Variants in TAFA1 observed in about 807,000 individuals in gnomAD.
TAFA1 encodes chemokine-like protein TAFA-1.
Under a neutral mutation model 18.5 loss-of-function variants are expected in TAFA1, and 4 were observed. The observed-to-expected ratio is 0.22, with a 90% CI of 0.11 to 0.49. The LOEUF (loss-of-function observed/expected upper bound fraction) is 0.49. Among genes scored for constraint, TAFA1 ranks in the 20% least tolerant of loss-of-function variants. The pLI, the probability that TAFA1 is intolerant of heterozygous loss-of-function variation, is 0.98. For missense variants in TAFA1, 147 were observed against 169.0 expected, an observed-to-expected ratio of 0.87 and a Z score of 0.72; for synonymous variants, 56 against 55.2, an observed-to-expected ratio of 1.01 and a Z score of -0.06.
In TAFA1 at chr3:68,292,049, G is replaced by A. The variant is rs147576716; in HGVS notation, c.119-125231G>A. Among the ~76,000 whole-genome samples, 1,244 of 152,012 alleles carry A rather than the reference G, an allele frequency of 8.2e-3. 14 individuals are homozygous for A. Among genetic ancestry groups the A allele is most frequent in the African/African-American group, 0.028 (1,167 of 41,458 alleles). On this transcript the variant is annotated intron_variant, in intron 2 of 4. Coordinates refer to ENST00000478136, the MANE Select transcript of TAFA1 (RefSeq NM_213609.4). The stretch of plus-strand genomic sequence containing the variant: ...TACGGTTTCAGTTTTCACTCATGTC[G>A]TTTACTCTCTCATCACCATCTCCCC...
intron 2 of TAFA1, among the ~76,000 whole-genome samples, chr3:68,123,269 G>C (rs544681746): frequency 5.9e-5 from 9 of 152,260 alleles, no homozygotes; most frequent in South Asian, 4.1e-4. Context: ...AGACTGGGCT[G>C]TTGCCTTCGG....
At chr3:68,376,603 T>G (rs2069822576) in intron 2 of TAFA1, among the ~76,000 whole-genome samples, 1 of 152,186 alleles carries the variant, frequency 6.6e-6, no homozygotes, top group South Asian at 2.1e-4. Context: ...TTTTTACAGC[T>G]GCGTAGTATT....
chr3:68,499,727 T>G (rs979948186), intron 3 of TAFA1, among the ~76,000 whole-genome samples: 13 of 151,934 alleles, frequency 8.6e-5, no homozygotes, highest in African/African-American at 3.1e-4. Flanking sequence ...GTATGAATAA[T>G]GGAGGTGATT....
chr3:68,109,424 T>C (rs1267955506), intron 2 of TAFA1, among the ~76,000 whole-genome samples: 4 of 152,188 alleles, frequency 2.6e-5, no homozygotes, highest in African/African-American at 9.6e-5. Flanking sequence ...GCATACTTCT[T>C]TAAATTGGAA....
intron 2 of TAFA1, among the ~76,000 whole-genome samples, chr3:68,122,630 C>A (rs1427774369): frequency 1.3e-5 from 2 of 152,066 alleles, no homozygotes; most frequent in Non-Finnish European, 2.9e-5. Flanking sequence ...ACCTAATAGT[C>A]TGTCATTGGC....
At chr3:68,303,448 T>C (rs62248319) in intron 2 of TAFA1, among the ~76,000 whole-genome samples, 1 of 150,830 alleles carries the variant, frequency 6.6e-6, no homozygotes. Context: ...AAATTCTTTT[T>C]GTTTTTTTTT....
chr3:68,530,177 G>A (rs2106771584), intron 3 of TAFA1, among the ~76,000 whole-genome samples: 1 of 152,280 alleles, frequency 6.6e-6, no homozygotes, highest in African/African-American at 2.4e-5. Flanking sequence ...TACTGAAACA[G>A]TAGAAAGGGA....
intron 2 of TAFA1, among the ~76,000 whole-genome samples, chr3:68,064,169 G>C (rs1252271995): frequency 6.6e-6 from 1 of 152,174 alleles, no homozygotes. Context: ...AGGTAAAAAC[G>C]TGATGAGGTG....
intron 2 of TAFA1, among the ~76,000 whole-genome samples, chr3:68,272,084 C>A (rs9869700): frequency 0.085 from 12,891 of 152,080 alleles, 658 homozygotes; most frequent in African/African-American, 0.14. Flanking sequence ...GTGAAATATG[C>A]CTTTGTATTG....
intron 2 of TAFA1, among the ~76,000 whole-genome samples, chr3:68,062,709 G>C (rs2064620052): frequency 6.6e-6 from 1 of 152,190 alleles, no homozygotes; most frequent in African/African-American, 2.4e-5. Context: ...TGAAGTAGTA[G>C]GGGAGGATTC....
intron 2 of TAFA1, among the ~76,000 whole-genome samples, chr3:68,219,200 A>AC (rs2066700447): frequency 6.6e-6 from 1 of 152,112 alleles, no homozygotes; most frequent in Admixed American, 6.6e-5. Flanking sequence ...GCATAGCTTG[A>AC]CAGTGAGAAA....
At chr3:68,284,457 T>C (rs946334240) in intron 2 of TAFA1, among the ~76,000 whole-genome samples, 5 of 152,232 alleles carry the variant, frequency 3.3e-5, no homozygotes, top group Non-Finnish European at 4.4e-5. Context: ...ATATATATCT[T>C]TCCTCTGACC....
At position 68,158,848 on chromosome 3, in the gene TAFA1, T is replaced by A. The variant is rs1050057862; in HGVS notation, c.118+152104T>A. 2.0e-5 allele frequency among the ~76,000 whole-genome samples: 3 copies of A among 152,200 alleles called. No individual in the cohort carries two copies. The South Asian group carries it at 6.2e-4, about 32-fold the overall frequency. ...ATTTTGTGATGGAGGGCATTTTGCA[T>A]ATACTGAAATAAAGAGAAATTCTTG... is the stretch of plus-strand genomic sequence containing the variant. On this transcript the variant is annotated intron_variant, in intron 2 of 4. Coordinates refer to ENST00000478136, the MANE Select transcript of TAFA1 (RefSeq NM_213609.4).
intron 2 of TAFA1, among the ~76,000 whole-genome samples, chr3:68,118,748 T>C (rs1375625920): frequency 2.0e-5 from 3 of 152,216 alleles, no homozygotes; most frequent in African/African-American, 7.2e-5. Context: ...TGTGTGTATA[T>C]AATGCATTTT....
chr3:68,120,174 T>C (rs1243950923), intron 2 of TAFA1, among the ~76,000 whole-genome samples: 1 of 15,514 alleles, frequency 6.4e-5, no homozygotes, highest in Non-Finnish European at 1.7e-4. Flanking sequence ...TTTCTTTCTC[T>C]TTCTTTCTTT....
chr3:68,024,035 T>G (rs1374327149), intron 2 of TAFA1, among the ~76,000 whole-genome samples: 2 of 152,162 alleles, frequency 1.3e-5, no homozygotes, highest in East Asian at 3.9e-4. Flanking sequence ...GAATAAAAGG[T>G]CAAAGCATTC....
At chr3:68,178,796 C>A (rs1411498222) in intron 2 of TAFA1, among the ~76,000 whole-genome samples, 2 of 152,168 alleles carry the variant, frequency 1.3e-5, no homozygotes, top group East Asian at 3.9e-4. Flanking sequence ...AGTTTAGATT[C>A]AATTTAGAGA....
intron 3 of TAFA1, among the ~76,000 whole-genome samples, chr3:68,503,055 C>A (rs80340025): frequency 2.0e-4 from 30 of 152,244 alleles, no homozygotes; most frequent in African/African-American, 7.2e-4. Context: ...ATAATCTGAC[C>A]TACTCTGAAG....
intron 2 of TAFA1, among the ~76,000 whole-genome samples, chr3:68,008,092 T>C (rs1354080476): frequency 6.6e-6 from 1 of 152,244 alleles, no homozygotes; most frequent in Non-Finnish European, 1.5e-5. Flanking sequence ...CCTGCCACCC[T>C]GTTTCCCCCA....
Sources: gnomAD v4.1 joint callset for allele counts (sites outside exome capture counted in the v4.1 genomes callset) on GRCh38, gnomAD v4.1.1 for gene constraint, MANE v1.5 for transcripts, NCBI Gene and HGNC (gene_info 2026-07-23, HGNC 2026-07-21) for gene names.